The following COL7A1 variants were observed in gnomAD, a reference collection of about 807,000 sequenced individuals.
COL7A1 encodes the protein collagen type VII alpha 1 chain, also known as collagen alpha-1(VII) chain.
COL7A1 carries 296 observed loss-of-function variants against 456.2 expected under a neutral mutation model. That is an observed-to-expected ratio of 0.65 (90% CI 0.59 to 0.71). The LOEUF is 0.71. Among genes scored for constraint, COL7A1 ranks in the 30% least tolerant of loss-of-function variants. The probability of loss-of-function intolerance (pLI) is 0.00; values close to 1 mark genes in which losing one functional copy is unlikely to be tolerated. For synonymous variants in COL7A1, 1,464 were observed against 1,525.9 expected, an observed-to-expected ratio of 0.96 and a Z score of 0.95; for missense variants, 3,441 against 4,017.2, an observed-to-expected ratio of 0.86 and a Z score of 3.88.
At position 48,574,581 on chromosome 3, in the gene COL7A1, C is replaced by T. The variant is rs1355708921; in HGVS notation, c.6394-31G>A. 9.9e-6 allele frequency: 16 copies of T among 1,613,900 alleles called. No homozygotes were observed. Among genetic ancestry groups the T allele is most frequent in the Non-Finnish European group, 1.3e-5 (15 of 1,180,026 alleles). ...GGCAGAGTGTCGTGCCCTGAGCCCC[C>T]AGTCCCTGCCACGTGCCCAGGTGCA... is the stretch of plus-strand genomic sequence containing the variant. On this transcript the variant is annotated intron_variant, in intron 78 of 118. Coordinates refer to ENST00000681320, the MANE Select transcript of COL7A1 (RefSeq NM_000094.4). This position sits in a 1 kb window ranked among gnomAD's most constrained non-coding sequence, Gnocchi z 5.0.
rs1371766719 is a variant in COL7A1, at chr3:48,583,517, G to A, written c.4401+39C>T. On this transcript the variant is annotated intron_variant, in intron 41 of 118. Coordinates refer to ENST00000681320, the MANE Select transcript of COL7A1 (RefSeq NM_000094.4). This position sits in a 1 kb window ranked among gnomAD's most constrained non-coding sequence, Gnocchi z 5.1. ...GATGATTGAGGTAGGGGCTGGAGCT[G>A]TGCCCACCATATTCAGAATCCCTGG... The A allele has an allele frequency of 2.5e-6, 4 of 1,613,628 alleles. No homozygotes were observed. The highest frequency in any genetic ancestry group is 3.4e-6 in the Non-Finnish European group (4 of 1,179,666).
Position 48,575,119 on chromosome 3 carries a change from T to A in COL7A1, c.6224A>T (p.Asp2075Val), listed in dbSNP as rs2044200117. The A allele has an allele frequency of 1.9e-6, 3 of 1,613,380 alleles. No homozygotes were observed. Among genetic ancestry groups the A allele is most frequent in the East Asian group, 4.5e-5 (2 of 44,804 alleles). ...EKGERGEQGR[D>V]GPPGLPGTPG... is the part of the protein sequence containing the mutation. The stretch of plus-strand genomic sequence containing the variant: ...GGTTCCAGGGAGTCCAGGAGGGCCA[T>A]CTCTGCCCTGCAGGAAACAAGAAAA... The change falls in exon 76 of 119, where the codon GAT becomes GTT. Residue 2075 changes from aspartate to valine, a missense_variant. Asp to Val is a radical substitution (Grantham distance 152). This residue lies in a region of COL7A1 where 2,084 missense variants were observed against 2,501.3 expected (regional missense o/e 0.83). Transcript: ENST00000681320. This position sits in a 1 kb window ranked among gnomAD's most constrained non-coding sequence, Gnocchi z 6.3.
rs1284649151 is a variant in COL7A1, at chr3:48,595,021, C to T, written c.85+54G>A. 6 of 1,404,478 alleles carry T rather than the reference C, an allele frequency of 4.3e-6. No homozygotes were observed. The African/African-American group carries it at 4.3e-5, about 10-fold the overall frequency. The allele number at this position is 1,404,478 out of a possible 1,614,324, so 87.0% of individuals were successfully genotyped here. A position where few individuals can be genotyped will look rare whatever the true frequency, so the allele number is the denominator to read the frequency against. On this transcript the variant is annotated intron_variant, in intron 2 of 118. Transcript: ENST00000681320. ...TGTTGGGGATGAAGGCCGAGTGGAG[C>T]GGAGGGTGGCACGGTGCAGTGCCCC...
chr3:48,590,398 C>T lies in COL7A1; in HGVS notation c.1907-42G>A, dbSNP rs2045607631. On this transcript the variant is annotated intron_variant, in intron 15 of 118. Transcript: ENST00000681320. The surrounding 1 kb of genome is among the most constrained non-coding windows in gnomAD (Gnocchi z 4.6). The stretch of plus-strand genomic sequence containing the variant: ...ATGCTGGCATGGCTCCTGCCTGTCC[C>T]CTCTGGCACCCATACCCTCATTGGT... 2 of 1,614,080 alleles carry T rather than the reference C, an allele frequency of 1.2e-6. No homozygotes were observed. Among genetic ancestry groups the T allele is most frequent in the East Asian group, 2.2e-5 (1 of 44,886 alleles).
In COL7A1 at chr3:48,594,419, G is replaced by T. The variant is rs138319290; in HGVS notation, c.215C>A (p.Ala72Asp). The stretch of plus-strand genomic sequence containing the variant: ...GGCAAAGCGCACACCCTGTGCACTG[G>T]CTGCTCCAGAGAAAGGCAGCACCAG... ...EGLVLPFSGA[A>D]SAQGVRFATV... The change falls in exon 3 of 119, where the codon GCC becomes GAC. Residue 72 changes from alanine (A) to aspartate (D), a missense_variant. Coordinates refer to ENST00000681320, the MANE Select transcript of COL7A1 (RefSeq NM_000094.4). The surrounding 1 kb of genome is among the most constrained non-coding windows in gnomAD (Gnocchi z 5.5). The T allele has an allele frequency of 1.9e-5, 31 of 1,611,764 alleles. No homozygotes were observed. The African/African-American group carries it at 3.6e-4, about 19-fold the overall frequency.
chr3:48,573,239 G>A lies in COL7A1; in HGVS notation c.6652-3C>T. 1 of 1,614,098 alleles carries A rather than the reference G, an allele frequency of 6.2e-7. No individual in the cohort carries two copies. Among genetic ancestry groups the A allele is most frequent in the Non-Finnish European group, 8.5e-7 (1 of 1,180,026 alleles). ...GCTCCAGTAGGTCCAGTCAGGCCCT[G>A]GAGGAAGAGAAAGTTCAGGGCAGTG... On this transcript the variant is annotated splice_polypyrimidine_tract_variant and splice_region_variant and intron_variant, in intron 84 of 118. Coordinates refer to ENST00000681320, the MANE Select transcript of COL7A1 (RefSeq NM_000094.4). The surrounding 1 kb of genome is among the most constrained non-coding windows in gnomAD (Gnocchi z 5.5).
Position 48,564,331 on chromosome 3 carries a change from G to C in COL7A1, c.*75C>G. 1 of 1,556,238 alleles carries C rather than the reference G, an allele frequency of 6.4e-7. No individual in the cohort carries two copies. Among genetic ancestry groups the C allele is most frequent in the Non-Finnish European group, 8.9e-7 (1 of 1,128,030 alleles). On this transcript the variant is annotated 3_prime_UTR_variant, in exon 119 of 119. Transcript: ENST00000681320. The surrounding 1 kb of genome is among the most constrained non-coding windows in gnomAD (Gnocchi z 6.0). ...CGTGCACACAAGCCTCTAGCACCAA[G>C]GGGAGGGACAGTGGGGTTCTGCTGA... is the stretch of plus-strand genomic sequence containing the variant.
chr3:48,575,474 C>T lies in COL7A1; in HGVS notation c.6045G>A (p.Gly2015=), dbSNP rs934784670. The T allele has an allele frequency of 3.1e-6, 5 of 1,611,918 alleles. No individual in the cohort carries two copies. In the Admixed American group the frequency reaches 6.7e-5, roughly 22 times the overall value. ...TCTCCCCAAGGGCCAGACCAGGTGGCCCCTGAGGGCCAGGGTCTCCACGGT... is the reference window on the plus strand; with the variant it reads ...TCTCCCCAAGGGCCAGACCAGGTGGTCCCTGAGGGCCAGGGTCTCCACGGT... ...KGDRGDPGPQ[G]PPGLALGERG... is the part of the protein sequence containing the mutation. The change falls in exon 74 of 119, where the codon GGG becomes GGA. Residue 2015 remains glycine, a synonymous_variant. Transcript: ENST00000681320. This position sits in a 1 kb window ranked among gnomAD's most constrained non-coding sequence, Gnocchi z 6.3.
Position 48,587,495 on chromosome 3 carries a change from T to C in COL7A1, c.2917A>G (p.Thr973Ala). ...CTGGACACTGGAGTCCAGGCCAAAG[T>C]CACCGAGTCGATCGAGGTGTCCACC... ...RVVDTSIDSV[T>A]LAWTPVSRAS... Residue 973 changes from threonine (T) to alanine (A), a missense_variant, in exon 23 of 119, where the codon ACT becomes GCT. Transcript: ENST00000681320. The surrounding 1 kb of genome is among the most constrained non-coding windows in gnomAD (Gnocchi z 6.1). 1 of 1,613,328 alleles carries C rather than the reference T, an allele frequency of 6.2e-7. No individual in the cohort carries two copies. Among genetic ancestry groups the C allele is most frequent in the South Asian group, 1.1e-5 (1 of 91,086 alleles).
Position 48,580,339 on chromosome 3 carries a change from G to C in COL7A1, c.5058C>G (p.Ser1686Arg), listed in dbSNP as rs144700737. ...CACCCTTGGGTCCAGATGATCCAGG[G>C]CTGCCCTGCAGAAAGGCAGGGGTCA... ...GDPGEDGRNG[S>R]PGSSGPKGDR... The change falls in exon 56 of 119, where the codon AGC becomes AGG. Residue 1686 changes from serine (S) to arginine (R), a missense_variant. Around this residue, in one of 3 missense-constraint regions of COL7A1, gnomAD observed 2,084 missense variants for 2,501.3 expected, o/e 0.83. Transcript: ENST00000681320. The surrounding 1 kb of genome is among the most constrained non-coding windows in gnomAD (Gnocchi z 4.5). 5.0e-6 allele frequency: 8 copies of C among 1,609,530 alleles called. No homozygotes were observed. In the African/African-American group the frequency reaches 1.1e-4, roughly 22 times the overall value.
rs1473022456 is a variant in COL7A1, at chr3:48,572,596, A to G, written c.6901-58T>C. On this transcript the variant is annotated intron_variant, in intron 88 of 118. Coordinates refer to ENST00000681320, the MANE Select transcript of COL7A1 (RefSeq NM_000094.4). The surrounding 1 kb of genome is among the most constrained non-coding windows in gnomAD (Gnocchi z 4.6). ...CCCCCGCCCCCACCCTGCCACCCCC[A>G]TGGCATTTGGAAACAGGCTTGTGGG... 2 of 1,170,558 alleles carry G rather than the reference A, an allele frequency of 1.7e-6. No individual in the cohort carries two copies. The highest frequency in any genetic ancestry group is 4.4e-5 in the Admixed American group (2 of 45,856). 72.5% of individuals were successfully genotyped at this position (1,170,558 alleles called of 1,614,324 possible).
At position 48,565,398 on chromosome 3, in the gene COL7A1, A is replaced by G. The variant is rs750529756; in HGVS notation, c.8527+12T>C. On this transcript the variant is annotated intron_variant, in intron 116 of 118. Coordinates refer to ENST00000681320, the MANE Select transcript of COL7A1 (RefSeq NM_000094.4). This position sits in a 1 kb window ranked among gnomAD's most constrained non-coding sequence, Gnocchi z 4.5. The stretch of plus-strand genomic sequence containing the variant: ...CCACCCATAGCTGCCCCACGGGTTC[A>G]GCTGTCCTCACCTTCCTCCTCTGCA... 1 of 1,601,400 alleles carries G rather than the reference A, an allele frequency of 6.2e-7. No individual in the cohort carries two copies. The highest frequency in any genetic ancestry group is 2.3e-5 in the East Asian group (1 of 44,362).
chr3:48,580,219 A>C lies in COL7A1; in HGVS notation c.5097+81T>G. 1 of 1,565,630 alleles carries C rather than the reference A, an allele frequency of 6.4e-7. No homozygotes were observed. The stretch of plus-strand genomic sequence containing the variant: ...CCATGCTTCCCACCTGGACCTCCAG[A>C]CCCCTTGTGTGAAGGCACACTGGCA... On this transcript the variant is annotated intron_variant, in intron 56 of 118. Transcript: ENST00000681320. The surrounding 1 kb of genome is among the most constrained non-coding windows in gnomAD (Gnocchi z 4.5).
At position 48,587,145 on chromosome 3, in the gene COL7A1, C is replaced by T; in HGVS notation, c.3140-37G>A. ...GGAACAAGTTACTGAAGCGGGCAGC[C>T]CACCCAGACACACCTTTCTGCCCTT... is the stretch of plus-strand genomic sequence containing the variant. On this transcript the variant is annotated intron_variant, in intron 24 of 118. Transcript: ENST00000681320. This position sits in a 1 kb window ranked among gnomAD's most constrained non-coding sequence, Gnocchi z 6.1. 1 of 1,613,628 alleles carries T rather than the reference C, an allele frequency of 6.2e-7. No individual in the cohort carries two copies. Among genetic ancestry groups the T allele is most frequent in the Non-Finnish European group, 8.5e-7 (1 of 1,179,922 alleles).
In COL7A1 at chr3:48,564,975, A is replaced by G. The variant is rs774144118; in HGVS notation, c.8626T>C (p.Cys2876Arg). The G allele has an allele frequency of 2.6e-5, 42 of 1,614,048 alleles. No homozygotes were observed. Among genetic ancestry groups the G allele is most frequent in the Non-Finnish European group, 3.5e-5 (41 of 1,180,014 alleles). Residue 2876 changes from cysteine (C) to arginine (R), a missense_variant, in exon 118 of 119, where the codon TGT becomes CGT. This residue lies in a region of COL7A1 where 2,084 missense variants were observed against 2,501.3 expected (regional missense o/e 0.83). Coordinates refer to ENST00000681320, the MANE Select transcript of COL7A1 (RefSeq NM_000094.4). The surrounding 1 kb of genome is among the most constrained non-coding windows in gnomAD (Gnocchi z 6.0). ...GAGCCCTCATCCAGTGGCAGGGAAC[A>G]GGGGTCTGGGCCAATGGGGTCAAGT... is the stretch of plus-strand genomic sequence containing the variant. ...PEAPWDSDDP[C>R]SLPLDEGSCT...
Position 48,573,828 on chromosome 3 carries a change from G to A in COL7A1, c.6537+27C>T. 1 of 1,614,100 alleles carries A rather than the reference G, an allele frequency of 6.2e-7. No homozygotes were observed. The highest frequency in any genetic ancestry group is 1.1e-5 in the South Asian group (1 of 91,080). ...GGGGCAGGGCACAGGATGGGGGCAAGACAGGTGAAGGTTCTTGGGTACTCA... is the reference window on the plus strand; with the variant it reads ...GGGGCAGGGCACAGGATGGGGGCAAAACAGGTGAAGGTTCTTGGGTACTCA... On this transcript the variant is annotated intron_variant, in intron 81 of 118. Transcript: ENST00000681320. This position sits in a 1 kb window ranked among gnomAD's most constrained non-coding sequence, Gnocchi z 5.5.
Position 48,580,583 on chromosome 3 carries a change from T to C in COL7A1, c.5050A>G (p.Asn1684Asp), listed in dbSNP as rs774874528. 5 of 1,613,776 alleles carry C rather than the reference T, an allele frequency of 3.1e-6. No homozygotes were observed. The highest frequency in any genetic ancestry group is 4.2e-6 in the Non-Finnish European group (5 of 1,179,898). Residue 1684 changes from asparagine to aspartate, a missense_variant and splice_region_variant, in exon 55 of 119, where the codon AAT becomes GAT. By Grantham distance (23) the Asn-to-Asp change is conservative (BLOSUM62 1). Transcript: ENST00000681320. The surrounding 1 kb of genome is among the most constrained non-coding windows in gnomAD (Gnocchi z 4.5). Reference protein sequence around the residue: ...DQGDPGEDGRNGSPGSSGPKG... With the variant: ...DQGDPGEDGRDGSPGSSGPKG... ...AGGAGTCATAGGCTGGGACTCACAT[T>C]TCGTCCATCCTCTCCAGGATCTCCC...
rs759475299 is a variant in COL7A1 at position 48,575,861 on chromosome 3, A to G, written c.5856+6T>C. On this transcript the variant is annotated splice_donor_region_variant and intron_variant, in intron 72 of 118. Transcript: ENST00000681320. This position sits in a 1 kb window ranked among gnomAD's most constrained non-coding sequence, Gnocchi z 6.3. ...TGTCCCTACCCCCAGCCCCTAAACAACCCACCTTGATGCCAGCAGTTTCCA... is the reference window on the plus strand; with the variant it reads ...TGTCCCTACCCCCAGCCCCTAAACAGCCCACCTTGATGCCAGCAGTTTCCA... 2 of 1,613,888 alleles carry G rather than the reference A, an allele frequency of 1.2e-6. No individual in the cohort carries two copies. Among genetic ancestry groups the G allele is most frequent in the African/African-American group, 2.7e-5 (2 of 74,966 alleles).
chr3:48,569,255 A>G lies in COL7A1; in HGVS notation c.7686+120T>C. ...CGGCCACTCCATAGTCAGCCACAGA[A>G]CCCCTTCCCCCTAAACCCCAGAAAG... On this transcript the variant is annotated intron_variant, in intron 103 of 118. Coordinates refer to ENST00000681320, the MANE Select transcript of COL7A1 (RefSeq NM_000094.4). The surrounding 1 kb of genome is among the most constrained non-coding windows in gnomAD (Gnocchi z 4.9). 8.1e-7 allele frequency: 1 copy of G among 1,236,560 alleles called. No homozygotes were observed. The highest frequency in any genetic ancestry group is 1.2e-6 in the Non-Finnish European group (1 of 842,686). The allele number at this position is 1,236,560 out of a possible 1,614,324, so 76.6% of individuals were successfully genotyped here.
Sources: gnomAD v4.1 joint callset for allele counts on GRCh38, gnomAD v4.1.1 for gene constraint, gnomAD v4.1.1 regional missense constraint, Gnocchi (gnomAD v3.1) non-coding constraint, MANE v1.5 for transcripts, NCBI Gene and HGNC (gene_info 2026-07-23, HGNC 2026-07-21) for gene names.